The following CCNA1 variants were observed in gnomAD, a reference collection of about 807,000 sequenced individuals.
CCNA1 encodes the protein cyclin A1.
A neutral mutation model predicts 54.1 loss-of-function variants in CCNA1; 23 were observed. The ratio of observed to expected loss-of-function variants is 0.42; its 90% CI spans 0.31 to 0.60. CCNA1 has a LOEUF of 0.60. Among genes scored for constraint, CCNA1 ranks in the 20% least tolerant of loss-of-function variants. CCNA1 has a pLI of 0.14. For synonymous variants in CCNA1, 208 were observed against 213.9 expected (o/e 0.97, Z 0.24); for missense variants, 450 against 556.7 (o/e 0.81, Z 1.93).
At chr13:36,439,067 A>G (rs2137829628) in intron 5 of CCNA1, among the ~76,000 whole-genome samples, 200 bp downstream of exon 5, 1 of 152,340 alleles carries the variant, frequency 6.6e-6, no homozygotes, top group East Asian at 1.9e-4. Flanking sequence ...TCACCTGGTT[A>G]TGATTTATAG....
intron 5 of CCNA1, 21 bp from the exon 6 acceptor site, chr13:36,439,958 T>C (rs756587782): frequency 1.3e-6 from 2 of 1,567,592 alleles, no homozygotes; most frequent in East Asian, 4.5e-5. Context: ...GTTTTACTTC[T>C]GAAAACTCTT....
chr13:36,438,429 T>C (rs1033687506), intron 4 of CCNA1, among the ~76,000 whole-genome samples: 5 of 152,126 alleles, frequency 3.3e-5, no homozygotes, highest in African/African-American at 1.2e-4. Context: ...CATATTGCCA[T>C]TCTCCCCTGC....
At chr13:36,433,382 C>A (rs1465321502) in intron 2 of CCNA1, among the ~76,000 whole-genome samples, 161 bp downstream of exon 2, 1 of 54,368 alleles carries the variant, frequency 1.8e-5, no homozygotes, top group Non-Finnish European at 3.3e-5. Flanking sequence ...TTCTTTCTTT[C>A]TTTCTTTCTT....
intron 3 of CCNA1, 22 bp from the exon 4 acceptor site, chr13:36,438,045 T>C (rs759227358): frequency 1.9e-6 from 3 of 1,608,606 alleles, no homozygotes; most frequent in African/African-American, 1.3e-5. Context: ...ATGAGTTATC[T>C]GACAGTGTTG....
Position 36,439,963 on chromosome 13 carries a change from ACT to A in CCNA1, c.894-13_894-12del, listed in dbSNP as rs2055855039. The A allele has an allele frequency of 2.5e-6, 4 of 1,583,602 alleles. No homozygotes were observed. Among genetic ancestry groups the A allele is most frequent in the Admixed American group, 3.3e-5 (2 of 59,780 alleles). ...AAGGTTCTAAGTTTTACTTCTGAAAACTCTTCCTTTCCCAGGAAATATGAAGA... is the reference window on the plus strand; with the variant it reads ...AAGGTTCTAAGTTTTACTTCTGAAAACTTCCTTTCCCAGGAAATATGAAGA... On this transcript the variant is annotated splice_polypyrimidine_tract_variant and intron_variant, in intron 5 of 8. Transcript: ENST00000255465.
At chr13:36,433,444 T>TTCTTTCTTTCTTTCTTTCTTTTCTTTC (rs1566169749) in intron 2 of CCNA1, among the ~76,000 whole-genome samples, 2 of 64,054 alleles carry the variant, frequency 3.1e-5, no homozygotes, top group African/African-American at 9.2e-5. Context: ...CTTTCTTTCG[T>TTCTTTCTTTCTTTCTTTCTTTTCTTTC]TCTTTCTTTC....
rs1385971077 is a variant in CCNA1 at position 36,433,042 on chromosome 13, G to A, written c.118G>A (p.Val40Met). Reference sequence around the variant, plus strand: ...TCTCTTTCCCTGGTAGCAGCAGCCCGTGGAGTCTGAAGCAATGCACTGCAG... The same window carrying A: ...TCTCTTTCCCTGGTAGCAGCAGCCCATGGAGTCTGAAGCAATGCACTGCAG... The change falls in exon 2 of 9, where the codon GTG becomes ATG. Residue 40 changes from valine to methionine, a missense_variant. By Grantham distance (21) the Val-to-Met change is conservative. Around this residue, in one of 6 missense-constraint regions of CCNA1, gnomAD observed 103 missense variants for 100.9 expected, o/e 1.02. In the 5' UTR this introduces an upstream ATG that the reference lacks. Transcript: ENST00000255465. 6.2e-7 allele frequency: 1 copy of A among 1,612,484 alleles called. No homozygotes were observed. The highest frequency in any genetic ancestry group is 1.1e-5 in the South Asian group (1 of 90,898).
chr13:36,433,323 A>C, intron 2 of CCNA1, 102 bp downstream of exon 2: 1 of 710,794 alleles, frequency 1.4e-6, no homozygotes, highest in Non-Finnish European at 2.2e-6. Flanking sequence ...ACTCCCCCTG[A>C]GTATTACAAC....
chr13:36,437,795 G>T lies in CCNA1; in HGVS notation c.464G>T (p.Gly155Val), dbSNP rs769065045. 1.2e-6 allele frequency: 2 copies of T among 1,614,106 alleles called. No individual in the cohort carries two copies. The highest frequency in any genetic ancestry group is 3.3e-5 in the Admixed American group (2 of 60,028). Residue 155 changes from glycine to valine, a missense_variant, in exon 3 of 9, where the codon GGG (glycine) becomes GTG (valine). Gly to Val is a moderately radical substitution (Grantham distance 109, BLOSUM62 -3). This residue lies in a region of CCNA1 where 103 missense variants were observed against 92.9 expected (regional missense o/e 1.11). Transcript: ENST00000255465. ...AGAGACAGCTGCTCGGTCAGAGAGG[G>T]GATGGCATTTGAGGATGTGTATGAA...
rs949455527 is a variant in CCNA1 at position 36,437,997 on chromosome 13, T to G, written c.545-70T>G. 3.4e-5 allele frequency: 54 copies of G among 1,582,362 alleles called. No homozygotes were observed. In the South Asian group the frequency reaches 6.1e-4, roughly 18 times the overall value. ...AGTAATAACTGTATTCACAACTGCC[T>G]GTAGAGGGTTAGTGGATTGAACAAA... On this transcript the variant is annotated intron_variant, in intron 3 of 8. Transcript: ENST00000255465.
intron 7 of CCNA1, 137 bp from the exon 8 acceptor site, chr13:36,442,034 C>T (rs968705094): frequency 1.3e-4 from 75 of 568,578 alleles, no homozygotes; most frequent in African/African-American, 1.3e-3. Flanking sequence ...TCTAAAATCT[C>T]TGAAGGGGGT....
intron 7 of CCNA1, among the ~76,000 whole-genome samples, 181 bp from the exon 8 acceptor site, chr13:36,441,990 T>G (rs956939151): frequency 6.6e-6 from 1 of 152,262 alleles, no homozygotes; most frequent in South Asian, 2.1e-4. Flanking sequence ...ATGAGAAAAT[T>G]TAGAGCCTTG....
At position 36,440,156 on chromosome 13, in the gene CCNA1, G is replaced by T. The variant is rs769751473; in HGVS notation, c.1071G>T (p.Val357=). The change falls in exon 6 of 9, where the codon GTG becomes GTT. Residue 357 remains valine, a synonymous_variant. Coordinates refer to ENST00000255465, the MANE Select transcript of CCNA1 (RefSeq NM_003914.4). ...TTCAGTACTTGAGGCGACAAGGAGTGTGCGTCAGGACTGAGAACCTGGCTA... is the reference window on the plus strand; with the variant it reads ...TTCAGTACTTGAGGCGACAAGGAGTTTGCGTCAGGACTGAGAACCTGGCTA... 1 of 1,614,088 alleles carries T rather than the reference G, an allele frequency of 6.2e-7. No homozygotes were observed. Among genetic ancestry groups the T allele is most frequent in the Non-Finnish European group, 8.5e-7 (1 of 1,179,948 alleles).
intron 2 of CCNA1, 123 bp from the exon 3 acceptor site, chr13:36,437,506 A>G: frequency 1.1e-6 from 1 of 904,530 alleles, no homozygotes; most frequent in South Asian, 1.8e-5. Flanking sequence ...TAAATTGCCG[A>G]CATAGATTTT....
chr13:36,439,593 G>T (rs1185688932), intron 5 of CCNA1, among the ~76,000 whole-genome samples: 1 of 152,206 alleles, frequency 6.6e-6, no homozygotes, highest in Non-Finnish European at 1.5e-5. Flanking sequence ...GAGGCCTGTG[G>T]AGTTTGTTTC....
chr13:36,432,673 TG>T lies in CCNA1; in HGVS notation c.56del (p.Gly19GlufsTer66). ...GTACCCTGGATCTTTTATTGGGGGC[TG>T]GGGAGAAGAGTATCTCAGCTGGGAA... On this transcript the variant is annotated frameshift_variant, in exon 1 of 9. Coordinates refer to ENST00000255465, the MANE Select transcript of CCNA1 (RefSeq NM_003914.4). LOFTEE classifies it high-confidence loss of function. The T allele has an allele frequency of 6.2e-7, 1 of 1,612,316 alleles. No homozygotes were observed. The highest frequency in any genetic ancestry group is 2.2e-5 in the East Asian group (1 of 44,852).
At chr13:36,432,986 T>A (rs1462972470) in intron 1 of CCNA1, 47 bp from the exon 2 acceptor site, 2 of 1,563,486 alleles carry the variant, frequency 1.3e-6, no homozygotes, top group African/African-American at 2.7e-5. Context: ...GAGCCCGGGG[T>A]GGACGGAATC....
In CCNA1 at chr13:36,432,602, C is replaced by CAA; in HGVS notation, c.-19_-18insAA. On this transcript the variant is annotated 5_prime_UTR_variant, in exon 1 of 9. Coordinates refer to ENST00000255465, the MANE Select transcript of CCNA1 (RefSeq NM_003914.4). ...CTGGTGGGAGGAGGCCGCAGCGCAG[C>CAA]ACCCTGCTCGTCACTTGGGATGGAG... 6.6e-7 allele frequency: 1 copy of CAA among 1,523,388 alleles called. No individual in the cohort carries two copies. Among genetic ancestry groups the CAA allele is most frequent in the Middle Eastern group, 2.3e-4 (1 of 4,294 alleles). 94.4% of individuals were successfully genotyped at this position (1,523,388 alleles called of 1,614,324 possible).
chr13:36,433,399 TTTC>T (rs2055747937), intron 2 of CCNA1, among the ~76,000 whole-genome samples, 178 bp downstream of exon 2: 2 of 103,378 alleles, frequency 1.9e-5, no homozygotes, highest in African/African-American at 8.1e-5. Context: ...TCTTTCTTTC[TTTC>T]TTTCTTTCTT....
Sources: gnomAD v4.1 joint callset for allele counts (sites outside exome capture counted in the v4.1 genomes callset) on GRCh38, gnomAD v4.1.1 for gene constraint, gnomAD v4.1.1 regional missense constraint, MANE v1.5 for transcripts, NCBI Gene and HGNC (gene_info 2026-07-23, HGNC 2026-07-21) for gene names.